Variants in PPIH observed in about 807,000 individuals in gnomAD.
PPIH encodes peptidyl-prolyl cis-trans isomerase H.
PPIH carries 16 observed loss-of-function variants against 27.6 expected under a neutral mutation model. The ratio of observed to expected loss-of-function variants is 0.58; its 90% CI spans 0.39 to 0.88. PPIH has a LOEUF of 0.88. PPIH is among the 40% of genes least tolerant of loss of function. The pLI is 0.00. For missense variants in PPIH, 155 were observed against 224.1 expected (o/e 0.69, Z 1.97); for synonymous variants, 63 against 76.1 (o/e 0.83, Z 0.90).
At chr1:42,671,530 T>A (rs960123823) in intron 9 of PPIH, among the ~76,000 whole-genome samples, 4 of 152,228 alleles carry the variant, frequency 2.6e-5, no homozygotes, top group African/African-American at 9.6e-5. Flanking sequence ...AGCTTCTCAA[T>A]CTACTCGCCC....
chr1:42,669,218 A>G (rs1313874768), intron 9 of PPIH, among the ~76,000 whole-genome samples: 1 of 151,918 alleles, frequency 6.6e-6, no homozygotes, highest in Non-Finnish European at 1.5e-5. Context: ...AAAGGAAAAG[A>G]AAAACCGAAA....
rs559140972 is a variant in PPIH at position 42,666,161 on chromosome 1, A to G, written c.424+94A>G. 9.9e-5 allele frequency: 114 copies of G among 1,155,424 alleles called. 1 individual carries two copies. In the South Asian group the frequency reaches 1.4e-3, roughly 14 times the overall value. The allele number at this position is 1,155,424 out of a possible 1,614,324, so 71.6% of individuals were successfully genotyped here. Reference sequence around the variant, plus strand: ...TCTCAAACTCTTACCAAGAAAGCTCAACCTGTGTAACTGCTTAGGTGGTAA... The same window carrying G: ...TCTCAAACTCTTACCAAGAAAGCTCGACCTGTGTAACTGCTTAGGTGGTAA... On this transcript the variant is annotated intron_variant, in intron 7 of 9. Coordinates refer to ENST00000304979, the MANE Select transcript of PPIH (RefSeq NM_006347.4).
chr1:42,666,864 C>G (rs1377758030), intron 8 of PPIH, among the ~76,000 whole-genome samples: 1 of 152,202 alleles, frequency 6.6e-6, no homozygotes, highest in Non-Finnish European at 1.5e-5. Context: ...ATGGCCCCTT[C>G]TTCTGCCATT....
chr1:42,659,627 C>T (rs746180439), intron 4 of PPIH, 61 bp downstream of exon 4: 1 of 1,558,398 alleles, frequency 6.4e-7, no homozygotes, highest in East Asian at 2.3e-5. Context: ...GGATTAGGCT[C>T]TTTAGAGGAA....
At chr1:42,664,758 G>C in intron 5 of PPIH, 105 bp from the exon 6 acceptor site, 1 of 841,312 alleles carries the variant, frequency 1.2e-6, no homozygotes. Flanking sequence ...ACAAGAGTAA[G>C]AGTAGACTTT....
At chr1:42,674,219 TAGACTAC>T (rs1649778632) in intron 9 of PPIH, among the ~76,000 whole-genome samples, 1 of 152,164 alleles carries the variant, frequency 6.6e-6, no homozygotes, top group South Asian at 2.1e-4. Flanking sequence ...AGTGGTTGAG[TAGACTAC>T]AGAAGAGATG....
At chr1:42,677,372 T>G (rs1422891531), downstream of PPIH, among the ~76,000 whole-genome samples, 2 of 152,118 alleles carry the variant, frequency 1.3e-5, no homozygotes, top group Non-Finnish European at 2.9e-5. Flanking sequence ...ATCTGGTGGC[T>G]GAGGCACAAG....
At chr1:42,659,079 C>G in intron 2 of PPIH, 149 bp from the exon 3 acceptor site, 3 of 1,376,104 alleles carry the variant, frequency 2.2e-6, no homozygotes, top group Middle Eastern at 1.8e-4. Context: ...TGTTAATTTA[C>G]GTTGTTAGTC....
chr1:42,666,942 T>C (rs12410860), intron 8 of PPIH, among the ~76,000 whole-genome samples: 73,586 of 151,972 alleles, frequency 0.48, 18,019 homozygotes, highest in African/African-American at 0.52. Context: ...ATGTCCCTGC[T>C]GCTTGCTCTT....
At chr1:42,667,297 A>C (rs1281654392) in intron 8 of PPIH, 54 bp from the exon 9 acceptor site, 1 of 1,496,410 alleles carries the variant, frequency 6.7e-7, no homozygotes, top group Non-Finnish European at 9.3e-7. Flanking sequence ...AAGTTTGATA[A>C]GGGAACGAGG....
At chr1:42,668,473 A>G (rs2148719756) in intron 9 of PPIH, among the ~76,000 whole-genome samples, 1 of 152,140 alleles carries the variant, frequency 6.6e-6, no homozygotes, top group Middle Eastern at 3.4e-3. Flanking sequence ...TTTACCCCTA[A>G]GTATTTCAGC....
At chr1:42,670,860 G>A (rs1444077711) in intron 9 of PPIH, among the ~76,000 whole-genome samples, 7 of 152,034 alleles carry the variant, frequency 4.6e-5, no homozygotes, top group Non-Finnish European at 5.9e-5. Context: ...CAGTGGCGCC[G>A]TCTTGGCTCA....
At chr1:42,665,079 AC>A (rs1227696655) in intron 6 of PPIH, 124 bp downstream of exon 6, 7 of 743,866 alleles carry the variant, frequency 9.4e-6, no homozygotes, top group Non-Finnish European at 1.6e-5. Context: ...CCCAGGACTC[AC>A]CTTTACCACC....
intron 9 of PPIH, among the ~76,000 whole-genome samples, chr1:42,672,130 G>T (rs571509894): frequency 6.6e-6 from 1 of 151,940 alleles, no homozygotes; most frequent in Non-Finnish European, 1.5e-5. Context: ...TGATCCATCC[G>T]CCTCGGACTC....
intron 4 of PPIH, among the ~76,000 whole-genome samples, chr1:42,660,178 C>A (rs1648927216): frequency 6.6e-6 from 1 of 152,100 alleles, no homozygotes; most frequent in Admixed American, 6.5e-5. Flanking sequence ...GTTGTTAAGC[C>A]CTTACATGTT....
rs759313813 is a variant in PPIH at position 42,659,460 on chromosome 1, G to A, written c.156-62G>A. On this transcript the variant is annotated intron_variant, in intron 3 of 9. Transcript: ENST00000304979. ...AGAGTCCTTTTGGCTCCAGTGCATG[G>A]TAAACTGGAAAGGCCTTGTGCTACC... The A allele has an allele frequency of 4.3e-6, 7 of 1,614,114 alleles. No homozygotes were observed. In the South Asian group the frequency reaches 7.7e-5, roughly 18 times the overall value.
At chr1:42,660,555 G>A (rs1054043587) in intron 4 of PPIH, among the ~76,000 whole-genome samples, 9 of 151,972 alleles carry the variant, frequency 5.9e-5, no homozygotes, top group Admixed American at 3.9e-4. Context: ...TCAGCCTCCC[G>A]AGTAGCCAGG....
chr1:42,680,062 T>C (rs1649982176), downstream of PPIH, among the ~76,000 whole-genome samples: 1 of 152,240 alleles, frequency 6.6e-6, no homozygotes, highest in African/African-American at 2.4e-5. Flanking sequence ...CAATACAGTG[T>C]GTTAAGATGG....
intron 9 of PPIH, among the ~76,000 whole-genome samples, chr1:42,669,451 A>C (rs1466218106): frequency 1.3e-5 from 2 of 152,168 alleles, no homozygotes; most frequent in Non-Finnish European, 2.9e-5. Context: ...GCATGCCACC[A>C]CGCCCAGCTA....
Sources: gnomAD v4.1 joint callset for allele counts (sites outside exome capture counted in the v4.1 genomes callset) on GRCh38, gnomAD v4.1.1 for gene constraint, MANE v1.5 for transcripts, NCBI Gene and HGNC (gene_info 2026-07-23, HGNC 2026-07-21) for gene names.